Variants in PUS10 observed in about 807,000 individuals in gnomAD.
The protein encoded by PUS10 is pseudouridine synthase 10.
In PUS10, 59 loss-of-function variants were observed where a neutral mutation model predicts 75.0. The observed-to-expected ratio is 0.79, with a 90% confidence interval of 0.64 to 0.98. PUS10 has a LOEUF of 0.98. Ranked by LOEUF, PUS10 falls within the 50% of genes least tolerant of loss-of-function variation. The pLI is 0.00. For missense variants in PUS10, 650 were observed against 614.4 expected (o/e 1.06, Z -0.61); for synonymous variants, 219 against 211.6 (o/e 1.03, Z -0.30).
chr2:60,985,471 T>A (rs1172431757), intron 4 of PUS10, among the ~76,000 whole-genome samples: 1 of 152,176 alleles, frequency 6.6e-6, no homozygotes, highest in Non-Finnish European at 1.5e-5. Context: ...ATTATTTCTA[T>A]GAGGACTTTG....
chr2:60,966,636 C>A (rs1211446669), intron 6 of PUS10: 1 of 152,250 alleles, frequency 6.6e-6, no homozygotes, highest in Non-Finnish European at 1.5e-5. Flanking sequence ...TCTCTAACTT[C>A]CAAAATACTT....
At chr2:61,000,254 C>T (rs1281310907) in intron 4 of PUS10, among the ~76,000 whole-genome samples, 7 of 152,196 alleles carry the variant, frequency 4.6e-5, no homozygotes, top group Non-Finnish European at 7.3e-5. Context: ...GCAAACTCAT[C>T]CCACTGAATC....
intron 4 of PUS10, among the ~76,000 whole-genome samples, chr2:60,972,039 T>C (rs1226964456): frequency 4.0e-5 from 6 of 150,118 alleles, no homozygotes; most frequent in Non-Finnish European, 8.9e-5. Context: ...CTCGGCTAAC[T>C]TGTGTTTTTA....
chr2:60,988,116 A>C (rs1677839325), intron 4 of PUS10, among the ~76,000 whole-genome samples: 1 of 151,878 alleles, frequency 6.6e-6, no homozygotes, highest in Non-Finnish European at 1.5e-5. Context: ...AATAAATTTA[A>C]TTAAATAACT....
At chr2:60,978,866 C>T (rs72809414) in intron 4 of PUS10, among the ~76,000 whole-genome samples, 4,487 of 152,262 alleles carry the variant, frequency 0.029, 108 homozygotes, top group Non-Finnish European at 0.045. Context: ...ACTTTAAGAA[C>T]TATTGAGAAC....
chr2:60,976,086 T>A (rs1388856110), intron 4 of PUS10, among the ~76,000 whole-genome samples: 1 of 152,162 alleles, frequency 6.6e-6, no homozygotes, highest in Non-Finnish European at 1.5e-5. Context: ...AAGAGATCAA[T>A]AAACACATGT....
At position 60,945,168 on chromosome 2, in the gene PUS10, T is replaced by C. The variant is rs188576755; in HGVS notation, c.1452-60A>G. The C allele has an allele frequency of 2.4e-3, 2,474 of 1,028,486 alleles. 7 individuals are homozygous for C. Among genetic ancestry groups the C allele is most frequent in the Non-Finnish European group, 3.1e-3 (2,019 of 651,838 alleles). 63.7% of individuals were successfully genotyped at this position (1,028,486 alleles called of 1,614,324 possible). ...TGCTGTACCAACTATTTGGTAAGAT[T>C]TGACAGGCAAAAATAATAATAAGAG... On this transcript the variant is annotated intron_variant, in intron 16 of 17. Coordinates refer to ENST00000316752, the MANE Select transcript of PUS10 (RefSeq NM_144709.4).
chr2:61,013,359 A>T (rs1364992819), intron 1 of PUS10, among the ~76,000 whole-genome samples: 1 of 151,980 alleles, frequency 6.6e-6, no homozygotes, highest in African/African-American at 2.4e-5. Context: ...CCTGCCCCAC[A>T]CCCAGAAGGA....
rs1573414025 is a variant in PUS10 at position 60,962,724 on chromosome 2, C to T, written c.788+102G>A. 58 of 1,469,048 alleles carry T rather than the reference C, an allele frequency of 3.9e-5. 1 individual carries two copies. In the South Asian group the frequency reaches 7.4e-4, roughly 19 times the overall value. 91.0% of individuals were successfully genotyped at this position (1,469,048 alleles called of 1,614,324 possible). ...AATGACTAAGACACAATCCTGGCCCCTGAAATACATCATCTTGTTTCAGAG... is the reference window on the plus strand; with the variant it reads ...AATGACTAAGACACAATCCTGGCCCTTGAAATACATCATCTTGTTTCAGAG... On this transcript the variant is annotated intron_variant, in intron 9 of 17. Transcript: ENST00000316752.
At position 60,949,709 on chromosome 2, in the gene PUS10, A is replaced by G. The variant is rs184608963; in HGVS notation, c.1309-1524T>C. 5.4e-4 allele frequency among the ~76,000 whole-genome samples: 82 copies of G among 152,348 alleles called. 1 individual carries two copies. Among genetic ancestry groups the G allele is most frequent in the African/African-American group, 1.9e-3 (78 of 41,582 alleles). ...CTAAAAACATTATTTGAAATCAACTAGTTGCATCAGTCTACTTAGGCTATG... is the reference window on the plus strand; with the variant it reads ...CTAAAAACATTATTTGAAATCAACTGGTTGCATCAGTCTACTTAGGCTATG... On this transcript the variant is annotated intron_variant, in intron 15 of 17. Transcript: ENST00000316752.
intron 9 of PUS10, among the ~76,000 whole-genome samples, chr2:60,962,213 T>C (rs985642349): frequency 2.0e-5 from 3 of 152,226 alleles, no homozygotes; most frequent in Admixed American, 6.5e-5. Context: ...GTCTACTCTA[T>C]TACTAGCTTA....
intron 11 of PUS10, among the ~76,000 whole-genome samples, chr2:60,956,058 G>A (rs762597910): frequency 1.9e-4 from 29 of 151,374 alleles, no homozygotes; most frequent in Non-Finnish European, 2.9e-4. Flanking sequence ...TGATCGTCAC[G>A]GACTAAAAGC....
chr2:60,967,152 A>G lies in PUS10; in HGVS notation c.615+350T>C, dbSNP rs921189569. 7.6e-5 allele frequency: 15 copies of G among 196,686 alleles called. No individual in the cohort carries two copies. The Admixed American group carries it at 8.9e-4, about 12-fold the overall frequency. The allele number at this position is 196,686 out of a possible 1,614,324, so 12.2% of individuals were successfully genotyped here. A position where few individuals can be genotyped will look rare whatever the true frequency, so the allele number is the denominator to read the frequency against. On this transcript the variant is annotated intron_variant, in intron 6 of 17. Coordinates refer to ENST00000316752, the MANE Select transcript of PUS10 (RefSeq NM_144709.4). ...TTAGCCACAGATAAACCAAAATTAAATAGTCCAGAGTTGACTCTATATTTG... is the reference window on the plus strand; with the variant it reads ...TTAGCCACAGATAAACCAAAATTAAGTAGTCCAGAGTTGACTCTATATTTG...
intron 4 of PUS10, among the ~76,000 whole-genome samples, chr2:61,004,674 A>C (rs997147631): frequency 3.9e-5 from 6 of 151,926 alleles, no homozygotes; most frequent in Non-Finnish European, 8.8e-5. Flanking sequence ...TAAAAACAGC[A>C]AATCACGAAG....
intron 15 of PUS10, among the ~76,000 whole-genome samples, chr2:60,952,078 G>A (rs1468134050): frequency 6.6e-6 from 1 of 152,162 alleles, no homozygotes; most frequent in Non-Finnish European, 1.5e-5. Context: ...CCTCATGCCT[G>A]TAGTCCCAGC....
At chr2:60,943,039 A>G (rs910931719) in intron 17 of PUS10, among the ~76,000 whole-genome samples, 71 of 149,798 alleles carry the variant, frequency 4.7e-4, no homozygotes, top group East Asian at 1.4e-3. Context: ...TATCTCAGAA[A>G]AAAAAAAAAA....
At chr2:60,963,082 G>A (rs1258934335) in intron 8 of PUS10, among the ~76,000 whole-genome samples, 192 bp from the exon 9 acceptor site, 7 of 152,112 alleles carry the variant, frequency 4.6e-5, no homozygotes, top group Non-Finnish European at 1.0e-4. Flanking sequence ...TCTGCAACTG[G>A]CATACCTCTG....
intron 4 of PUS10, among the ~76,000 whole-genome samples, chr2:60,996,416 C>A (rs1035997853): frequency 6.6e-6 from 1 of 152,150 alleles, no homozygotes; most frequent in Admixed American, 6.5e-5. Flanking sequence ...GTCTTATGTT[C>A]TCCTTAACAC....
At chr2:60,997,697 T>C (rs1046694160) in intron 4 of PUS10, among the ~76,000 whole-genome samples, 9 of 152,044 alleles carry the variant, frequency 5.9e-5, no homozygotes, top group Non-Finnish European at 1.2e-4. Context: ...GTCTGGGACA[T>C]TCATTGTATA....
Sources: gnomAD v4.1 joint callset for allele counts (sites outside exome capture counted in the v4.1 genomes callset) on GRCh38, gnomAD v4.1.1 for gene constraint, MANE v1.5 for transcripts, NCBI Gene and HGNC (gene_info 2026-07-23, HGNC 2026-07-21) for gene names.